Variants in PCDHGA1 observed in about 807,000 individuals in gnomAD.
PCDHGA1 encodes protocadherin gamma-A1.
Under a neutral mutation model 58.0 loss-of-function variants are expected in PCDHGA1, and 32 were observed. That is an observed-to-expected ratio of 0.55 (90% CI 0.42 to 0.74). The LOEUF (loss-of-function observed/expected upper bound fraction) is 0.74. PCDHGA1 is among the 30% of genes least tolerant of loss of function. The pLI is 0.00. For synonymous variants in PCDHGA1, 498 were observed against 501.1 expected, an observed-to-expected ratio of 0.99 and a Z score of 0.08; for missense variants, 1,205 against 1,182.3, an observed-to-expected ratio of 1.02 and a Z score of -0.28.
At chr5:141,502,542 A>G (rs2099814957) in intron 2 of PCDHGA1, among the ~76,000 whole-genome samples, 1 of 152,216 alleles carries the variant, frequency 6.6e-6, no homozygotes, top group Admixed American at 6.5e-5. Context: ...TTCGTGTGGT[A>G]AAAACAGTGT....
intron 1 of PCDHGA1, chr5:141,341,365 C>T: frequency 6.2e-7 from 1 of 1,614,232 alleles, no homozygotes; most frequent in Non-Finnish European, 8.5e-7. Flanking sequence ...AATCTCTACT[C>T]GAAGAAGAAA....
intron 1 of PCDHGA1, chr5:141,408,586 C>G: frequency 6.2e-7 from 1 of 1,613,976 alleles, no homozygotes; most frequent in Non-Finnish European, 8.5e-7. Context: ...ATGTTAATGA[C>G]CACGCCCCTC....
In PCDHGA1 at chr5:141,512,517, A is replaced by G. The variant is rs985434754; in HGVS notation, c.*1344A>G. ...GTCCCCAGTGCGCCCCCTAGTGGCC[A>G]TAGCCTGGTTAAAGTTCCCCAGTGC... On this transcript the variant is annotated 3_prime_UTR_variant, in exon 4 of 4. Coordinates refer to ENST00000517417, the MANE Select transcript of PCDHGA1 (RefSeq NM_018912.3). 3 of 152,938 alleles carry G rather than the reference A, an allele frequency of 2.0e-5. No individual in the cohort carries two copies. Among genetic ancestry groups the G allele is most frequent in the African/African-American group, 7.2e-5 (3 of 41,464 alleles). 9.5% of individuals were successfully genotyped at this position (152,938 alleles called of 1,614,324 possible).
intron 1 of PCDHGA1, chr5:141,421,166 A>T: frequency 7.7e-7 from 1 of 1,301,524 alleles, no homozygotes; most frequent in Non-Finnish European, 1.0e-6. Context: ...CTTCATAGAT[A>T]CATAAGCCGA....
chr5:141,476,046 C>T lies in PCDHGA1; in HGVS notation c.2422-18761C>T. 6.7e-7 allele frequency: 1 copy of T among 1,491,396 alleles called. No individual in the cohort carries two copies. Among genetic ancestry groups the T allele is most frequent in the Non-Finnish European group, 8.9e-7 (1 of 1,122,928 alleles). 92.4% of individuals were successfully genotyped at this position (1,491,396 alleles called of 1,614,324 possible). On this transcript the variant is annotated intron_variant, in intron 1 of 3. Coordinates refer to ENST00000517417, the MANE Select transcript of PCDHGA1 (RefSeq NM_018912.3). This position sits in a 1 kb window ranked among gnomAD's most constrained non-coding sequence, Gnocchi z 7.6. ...CGGCGCCCAGCGCCCAAGCGCTAAC[C>T]CGCTGAAAGTTTCTCAGCGAAATCT...
At position 141,485,049 on chromosome 5, in the gene PCDHGA1, G is replaced by A; in HGVS notation, c.2422-9758G>A. The A allele has an allele frequency of 1.3e-6, 1 of 780,438 alleles. No individual in the cohort carries two copies. 48.3% of individuals were successfully genotyped at this position (780,438 alleles called of 1,614,324 possible). ...AACGGCGCGTAACCCTTGCGGCGCC[G>A]GCCGAACCGCGCCAGAGCTGGCGCG... On this transcript the variant is annotated intron_variant, in intron 1 of 3. Coordinates refer to ENST00000517417, the MANE Select transcript of PCDHGA1 (RefSeq NM_018912.3). This position sits in a 1 kb window ranked among gnomAD's most constrained non-coding sequence, Gnocchi z 5.7.
At chr5:141,398,606 C>T in intron 1 of PCDHGA1, 1 of 1,614,000 alleles carries the variant, frequency 6.2e-7, no homozygotes, top group Non-Finnish European at 8.5e-7. Context: ...GCAGAAGATG[C>T]AGATATTGGC....
chr5:141,471,017 A>G (rs989277146), intron 1 of PCDHGA1, among the ~76,000 whole-genome samples: 3 of 143,850 alleles, frequency 2.1e-5, no homozygotes, highest in African/African-American at 7.8e-5. Context: ...GTGCCTGGTC[A>G]ATCATTTTTA....
At chr5:141,507,120 T>TA (rs1256499995) in intron 3 of PCDHGA1, 2 of 152,206 alleles carry the variant, frequency 1.3e-5, no homozygotes, top group African/African-American at 4.8e-5. Context: ...TGGCTGCCTT[T>TA]GGATCCAGCC....
Position 141,409,996 on chromosome 5 carries a change from G to C in PCDHGA1, c.2421+76891G>C, listed in dbSNP as rs1561724976. 8.7e-6 allele frequency: 14 copies of C among 1,613,014 alleles called. No homozygotes were observed. The Admixed American group carries it at 1.8e-4, about 21-fold the overall frequency. On this transcript the variant is annotated intron_variant, in intron 1 of 3. Transcript: ENST00000517417. ...AGGTGGTAGCGGTGGACGCCGACTC[G>C]GGACACAACGCCTGGCTGTCCTACC...
At chr5:141,409,050 G>C (rs371257178) in intron 1 of PCDHGA1, 1 of 1,613,988 alleles carries the variant, frequency 6.2e-7, no homozygotes. Context: ...TACTTCCGAA[G>C]CACTGCCCAG....
At chr5:141,470,022 G>C (rs892106953) in intron 1 of PCDHGA1, among the ~76,000 whole-genome samples, 2 of 152,070 alleles carry the variant, frequency 1.3e-5, no homozygotes, top group African/African-American at 4.8e-5. Context: ...CCAGCTACTC[G>C]GGATGCTGAG....
chr5:141,371,781 G>A (rs1443074185), intron 1 of PCDHGA1: 1 of 1,613,878 alleles, frequency 6.2e-7, no homozygotes, highest in Non-Finnish European at 8.5e-7. Context: ...GCATGTAGCT[G>A]AGAACAATCC....
chr5:141,502,331 G>C lies in PCDHGA1; in HGVS notation c.2481-3062G>C, dbSNP rs555959890. ...TCCTTTAATCTGGAGCCAGCTCCCA[G>C]TCTTTTTATTTTTTTAATGACATGG... On this transcript the variant is annotated intron_variant, in intron 2 of 3. Transcript: ENST00000517417. Among the ~76,000 whole-genome samples, 42 of 152,102 alleles carry C rather than the reference G, an allele frequency of 2.8e-4. No individual in the cohort carries two copies. The South Asian group carries it at 6.2e-3, about 23-fold the overall frequency.
chr5:141,402,918 A>C (rs766546022), intron 1 of PCDHGA1: 55 of 1,569,938 alleles, frequency 3.5e-5, no homozygotes, highest in Non-Finnish European at 4.7e-5. Flanking sequence ...GCGCGCACAG[A>C]GATCCTTTTG....
intron 1 of PCDHGA1, chr5:141,357,359 AC>A: frequency 1.2e-6 from 2 of 1,614,134 alleles, no homozygotes; most frequent in Non-Finnish European, 1.7e-6. Flanking sequence ...AGACGCTGGC[AC>A]AAGTCACGCC....
intron 1 of PCDHGA1, chr5:141,383,703 C>A: frequency 2.5e-6 from 4 of 1,613,964 alleles, no homozygotes; most frequent in Non-Finnish European, 3.4e-6. Flanking sequence ...ATGCTATCGA[C>A]CTGGACGAGG....
chr5:141,375,166 T>A (rs1179986488), intron 1 of PCDHGA1: 2 of 1,613,966 alleles, frequency 1.2e-6, no homozygotes, highest in East Asian at 2.2e-5. Flanking sequence ...AAAGTGCACC[T>A]CCAGGAACAG....
intron 1 of PCDHGA1, chr5:141,392,008 T>C (rs144906227): frequency 1.3e-5 from 2 of 152,186 alleles, no homozygotes; most frequent in Non-Finnish European, 2.9e-5. Flanking sequence ...ACTGCAATGG[T>C]AAAAGCATTT....
Sources: gnomAD v4.1 joint callset for allele counts (sites outside exome capture counted in the v4.1 genomes callset) on GRCh38, gnomAD v4.1.1 for gene constraint, Gnocchi (gnomAD v3.1) non-coding constraint, MANE v1.5 for transcripts, NCBI Gene and HGNC (gene_info 2026-07-23, HGNC 2026-07-21) for gene names.